Variants in PTPN1 observed in about 807,000 individuals in gnomAD.
The protein encoded by PTPN1 is tyrosine-protein phosphatase non-receptor type 1.
Under a neutral mutation model 59.9 loss-of-function variants are expected in PTPN1, and 12 were observed. That is an observed-to-expected ratio of 0.20 (90% CI 0.13 to 0.32). The LOEUF (loss-of-function observed/expected upper bound fraction) is 0.32, where lower values mean the gene tolerates loss of function less well. Among genes scored for constraint, PTPN1 ranks in the 10% least tolerant of loss-of-function variants. The pLI, the probability that PTPN1 is intolerant of heterozygous loss-of-function variation, is 1.00. For synonymous variants in PTPN1, 178 were observed against 203.6 expected (o/e 0.87, Z 1.07); for missense variants, 356 against 549.2 (o/e 0.65, Z 3.52).
intron 1 of PTPN1, among the ~76,000 whole-genome samples, chr20:50,537,052 C>T (rs1352591070): frequency 4.6e-5 from 7 of 152,168 alleles, no homozygotes; most frequent in African/African-American, 7.2e-5. Flanking sequence ...GAGCTGAGCG[C>T]GGTGGCTCAC....
chr20:50,581,525 C>G, intron 9 of PTPN1, 65 bp downstream of exon 9: 1 of 1,499,590 alleles, frequency 6.7e-7, no homozygotes, highest in Non-Finnish European at 9.0e-7. Context: ...GCCGCTAGCC[C>G]GATGGTAGGA....
At chr20:50,561,088 C>T (rs1020794855) in intron 1 of PTPN1, among the ~76,000 whole-genome samples, 1 of 152,174 alleles carries the variant, frequency 6.6e-6, no homozygotes, top group African/African-American at 2.4e-5. Context: ...CTCCAGCCCC[C>T]ATGCCTTTGC....
rs2082857653 is a variant in PTPN1 at position 50,579,946 on chromosome 20, G to T, written c.1088+20G>T. 1.2e-6 allele frequency: 2 copies of T among 1,601,706 alleles called. No homozygotes were observed. Among genetic ancestry groups the T allele is most frequent in the Non-Finnish European group, 1.7e-6 (2 of 1,169,620 alleles). On this transcript the variant is annotated intron_variant, in intron 8 of 9. Transcript: ENST00000371621. Reference sequence around the variant, plus strand: ...CGAAAGGTAATATGATTGGGTCCCAGCTTGTTGGGGTGAGGGGAAATGACT... The same window carrying T: ...CGAAAGGTAATATGATTGGGTCCCATCTTGTTGGGGTGAGGGGAAATGACT...
chr20:50,561,797 T>TA (rs2082753694), intron 2 of PTPN1, among the ~76,000 whole-genome samples: 1 of 152,170 alleles, frequency 6.6e-6, no homozygotes, highest in South Asian at 2.1e-4. Context: ...GCAGCGTCAT[T>TA]AGGGCATGAG....
Position 50,582,672 on chromosome 20 carries a change from A to C in PTPN1, c.1285-20A>C. 1.2e-6 allele frequency: 2 copies of C among 1,613,172 alleles called. No individual in the cohort carries two copies. The highest frequency in any genetic ancestry group is 2.2e-5 in the South Asian group (2 of 90,788). On this transcript the variant is annotated intron_variant, in intron 9 of 9. Coordinates refer to ENST00000371621, the MANE Select transcript of PTPN1 (RefSeq NM_002827.4). The surrounding 1 kb of genome is among the most constrained non-coding windows in gnomAD (Gnocchi z 4.2). Reference sequence around the variant, plus strand: ...CAGGTGCGGGTCTGGGCTCATCTGAACTGTTTGGTTTCATTCCAGTTCCTG... The same window carrying C: ...CAGGTGCGGGTCTGGGCTCATCTGACCTGTTTGGTTTCATTCCAGTTCCTG...
At chr20:50,561,332 G>T (rs1406758723) in intron 1 of PTPN1, 31 bp from the exon 2 acceptor site, 1 of 1,507,190 alleles carries the variant, frequency 6.6e-7, no homozygotes, top group African/African-American at 1.4e-5. Flanking sequence ...GTGTCTGACG[G>T]TCAGTTAAAT....
intron 1 of PTPN1, chr20:50,557,604 G>C (rs948401818): frequency 6.6e-6 from 1 of 152,130 alleles, no homozygotes; most frequent in African/African-American, 2.4e-5. Context: ...GTACTGTACT[G>C]TACTGTGTTT....
intron 1 of PTPN1, among the ~76,000 whole-genome samples, chr20:50,553,043 G>GTCTCTCTGTC (rs1009408270): frequency 6.6e-6 from 1 of 151,938 alleles, no homozygotes; most frequent in Non-Finnish European, 1.5e-5. Context: ...CATATATTTT[G>GTCTCTCTGTC]TCTCTCTGTC....
intron 1 of PTPN1, among the ~76,000 whole-genome samples, chr20:50,532,796 G>A (rs1308875015): frequency 6.6e-6 from 1 of 152,082 alleles, no homozygotes; most frequent in Non-Finnish European, 1.5e-5. Context: ...CACTGGAATT[G>A]GTTTTATCAT....
At chr20:50,524,569 C>CTTTTTTT (rs764474360) in intron 1 of PTPN1, among the ~76,000 whole-genome samples, 593 of 45,778 alleles carry the variant, frequency 0.013, 154 homozygotes, top group African/African-American at 0.056. Flanking sequence ...ATTATGTGGT[C>CTTTTTTT]TTTTTTTTTT....
chr20:50,522,493 A>C (rs1415621018), intron 1 of PTPN1, among the ~76,000 whole-genome samples: 1 of 152,212 alleles, frequency 6.6e-6, no homozygotes, highest in Admixed American at 6.5e-5. Flanking sequence ...TCATAGCTAT[A>C]ATAAAATAAA....
At chr20:50,563,364 C>G (rs1338629318) in intron 2 of PTPN1, among the ~76,000 whole-genome samples, 1 of 152,128 alleles carries the variant, frequency 6.6e-6, no homozygotes, top group African/African-American at 2.4e-5. Flanking sequence ...CAGGCACTTG[C>G]TGAACGAGGG....
At chr20:50,581,016 A>C (rs1252118862) in intron 8 of PTPN1, among the ~76,000 whole-genome samples, 2 of 152,088 alleles carry the variant, frequency 1.3e-5, no homozygotes, top group Non-Finnish European at 2.9e-5. Flanking sequence ...CACCTTGTGA[A>C]CCCTACCCTG....
intron 6 of PTPN1, 151 bp from the exon 7 acceptor site, chr20:50,579,017 C>T: frequency 1.1e-6 from 1 of 870,752 alleles, no homozygotes; most frequent in Non-Finnish European, 1.8e-6. Flanking sequence ...ACCTGTCCCC[C>T]TGACCCAGAC....
At chr20:50,538,233 A>AAC in intron 1 of PTPN1, among the ~76,000 whole-genome samples, 1 of 152,072 alleles carries the variant, frequency 6.6e-6, no homozygotes, top group East Asian at 1.9e-4. Flanking sequence ...TTAAAAAAAA[A>AAC]AAAACAGAAA....
At chr20:50,548,233 C>T (rs2082684527) in intron 1 of PTPN1, among the ~76,000 whole-genome samples, 9 of 152,086 alleles carry the variant, frequency 5.9e-5, no homozygotes, top group Admixed American at 5.9e-4. Flanking sequence ...TGGGCTTAGT[C>T]TAGCGTTTAT....
intron 1 of PTPN1, among the ~76,000 whole-genome samples, chr20:50,555,068 A>T (rs1277918392): frequency 6.6e-6 from 1 of 152,236 alleles, no homozygotes; most frequent in East Asian, 1.9e-4. Flanking sequence ...GTAAGAAATT[A>T]GAAAAAGAAC....
intron 6 of PTPN1, 46 bp downstream of exon 6, chr20:50,578,675 CT>C: frequency 6.6e-7 from 1 of 1,506,100 alleles, no homozygotes; most frequent in Non-Finnish European, 9.1e-7. Flanking sequence ...TCTACCTGCT[CT>C]GCTGTGATGT....
chr20:50,553,127 A>G (rs1043776283), intron 1 of PTPN1, among the ~76,000 whole-genome samples: 2 of 152,200 alleles, frequency 1.3e-5, no homozygotes, highest in East Asian at 1.9e-4. Flanking sequence ...CTGTAGCTCC[A>G]ATATTCAAAA....
Sources: allele counts gnomAD v4.1 joint callset (sites outside exome capture counted in the v4.1 genomes callset), GRCh38; gene constraint gnomAD v4.1.1; non-coding constraint Gnocchi (gnomAD v3.1); transcripts MANE v1.5; gene names NCBI Gene and HGNC (gene_info 2026-07-23, HGNC 2026-07-21).